SAMD5: variants seen among roughly 807,000 people sequenced by gnomAD.
The protein encoded by SAMD5 is sterile alpha motif domain-containing protein 5.
Under a neutral mutation model 11.3 loss-of-function variants are expected in SAMD5, and 13 were observed. That is an observed-to-expected ratio of 1.15 (90% CI 0.75 to 1.83). The LOEUF is 1.83. Among genes scored for constraint, SAMD5 ranks in the 40% most tolerant of loss-of-function variants. The pLI, the probability that SAMD5 is intolerant of heterozygous loss-of-function variation, is 0.00. For synonymous variants in SAMD5, 129 were observed against 111.3 expected (o/e 1.16, Z -1.00); for missense variants, 255 against 239.1 (o/e 1.07, Z -0.44).
At chr6:147,831,294 G>T in the SAMD5 span, among the ~76,000 whole-genome samples, 1 of 152,190 alleles carries the variant, frequency 6.6e-6, no homozygotes, top group Non-Finnish European at 1.5e-5. Context: ...CTTCCTGTTA[G>T]TACCACCACA....
At chr6:147,737,626 A>G (rs1198163373), downstream of SAMD5, 2 of 152,574 alleles carry the variant, frequency 1.3e-5, no homozygotes, top group Admixed American at 6.4e-5. Flanking sequence ...AAAGATGTTT[A>G]AAGTACCACA....
intron 1 of SAMD5, among the ~76,000 whole-genome samples, chr6:147,597,465 A>G (rs537598526): frequency 6.6e-6 from 1 of 152,304 alleles, no homozygotes; most frequent in Admixed American, 6.5e-5. Context: ...CTTCTCACTC[A>G]CGTATGTGAC....
intron 1 of SAMD5, among the ~76,000 whole-genome samples, chr6:147,634,409 G>A (rs1790194519): frequency 6.6e-6 from 1 of 152,064 alleles, no homozygotes; most frequent in Non-Finnish European, 1.5e-5. Flanking sequence ...TAGCAAGGGG[G>A]ATATCTGACC....
At chr6:147,571,511 C>T (rs1400838588), downstream of SAMD5, among the ~76,000 whole-genome samples, 1 of 149,674 alleles carries the variant, frequency 6.7e-6, no homozygotes, top group African/African-American at 2.5e-5. Flanking sequence ...CCTAGAGTTA[C>T]CCTGAGGACA....
chr6:147,584,966 C>CT (rs1450764272), intron 1 of SAMD5, among the ~76,000 whole-genome samples: 1 of 151,872 alleles, frequency 6.6e-6, no homozygotes. Flanking sequence ...CTTAATACTT[C>CT]AGGATGCCTA....
intron 1 of SAMD5, among the ~76,000 whole-genome samples, chr6:147,524,963 T>G (rs1788314239): frequency 6.6e-6 from 1 of 152,026 alleles, no homozygotes; most frequent in South Asian, 2.1e-4. Flanking sequence ...TTAAGTAACT[T>G]ACACAAAGTC....
chr6:147,513,809 G>A (rs762503206), intron 1 of SAMD5, among the ~76,000 whole-genome samples: 5 of 152,168 alleles, frequency 3.3e-5, no homozygotes, highest in Non-Finnish European at 7.3e-5. Flanking sequence ...GTTTCAAGGA[G>A]GAGGGACAGG....
At chr6:147,858,147 T>C in the SAMD5 span, among the ~76,000 whole-genome samples, 30,161 of 152,056 alleles carry the variant, frequency 0.2, 3,357 homozygotes, top group East Asian at 0.37. Context: ...GGAGGGGATC[T>C]GTAGCCCCCT....
the SAMD5 span, among the ~76,000 whole-genome samples, chr6:147,801,296 TA>T: frequency 6.6e-6 from 1 of 152,136 alleles, no homozygotes; most frequent in Non-Finnish European, 1.5e-5. Context: ...TTAACAGCTA[TA>T]TTTTTTTTTA....
At chr6:147,940,903 A>C in the SAMD5 span, among the ~76,000 whole-genome samples, 1 of 152,170 alleles carries the variant, frequency 6.6e-6, no homozygotes, top group African/African-American at 2.4e-5. Context: ...CGGAGATTGC[A>C]GTGAGCCGAG....
At chr6:147,819,420 C>T in the SAMD5 span, among the ~76,000 whole-genome samples, 2,185 of 152,200 alleles carry the variant, frequency 0.014, 58 homozygotes, top group African/African-American at 0.051. Flanking sequence ...AACAAAGCTG[C>T]ACATACACCC....
the SAMD5 span, among the ~76,000 whole-genome samples, chr6:147,864,667 T>C: frequency 6.6e-6 from 1 of 152,350 alleles, no homozygotes; most frequent in East Asian, 1.9e-4. Flanking sequence ...AATTAACTTA[T>C]TTGTTGTGGT....
intron 1 of SAMD5, among the ~76,000 whole-genome samples, chr6:147,702,015 GAC>G (rs1791260085): frequency 6.6e-6 from 1 of 152,144 alleles, no homozygotes; most frequent in South Asian, 2.1e-4. Flanking sequence ...TGCTAAAAAA[GAC>G]ATACCTGAAA....
At chr6:147,535,417 G>GTT (rs1319559400) in intron 1 of SAMD5, among the ~76,000 whole-genome samples, 2 of 152,114 alleles carry the variant, frequency 1.3e-5, no homozygotes, top group African/African-American at 4.8e-5. Context: ...ATTAGTTTGG[G>GTT]GATTTTAACC....
chr6:147,679,920 T>C (rs942211136), intron 1 of SAMD5, among the ~76,000 whole-genome samples: 2 of 152,026 alleles, frequency 1.3e-5, no homozygotes, highest in Non-Finnish European at 2.9e-5. Context: ...GACCATATAT[T>C]GTGGTTCTAT....
At chr6:147,695,599 T>G (rs1791164025) in intron 1 of SAMD5, among the ~76,000 whole-genome samples, 1 of 152,212 alleles carries the variant, frequency 6.6e-6, no homozygotes, top group Non-Finnish European at 1.5e-5. Flanking sequence ...AAACTATCAG[T>G]GTTATTCCAT....
the SAMD5 span, among the ~76,000 whole-genome samples, chr6:147,860,797 A>G: frequency 6.6e-6 from 1 of 152,216 alleles, no homozygotes; most frequent in Non-Finnish European, 1.5e-5. Flanking sequence ...TGTTTTGTCA[A>G]AACCTTACTT....
chr6:147,579,889 A>C (rs190227205), intron 1 of SAMD5, among the ~76,000 whole-genome samples: 129 of 152,242 alleles, frequency 8.5e-4, no homozygotes, highest in Middle Eastern at 3.4e-3. Flanking sequence ...TGGAATCCTT[A>C]CTCTGTGCCA....
chr6:147,712,552 A>G (rs1392078816), intron 1 of SAMD5, among the ~76,000 whole-genome samples: 1 of 152,120 alleles, frequency 6.6e-6, no homozygotes, highest in Non-Finnish European at 1.5e-5. Context: ...CTAACCCTCA[A>G]TGTTCTTGTA....
Sources: allele counts gnomAD v4.1 joint callset (sites outside exome capture counted in the v4.1 genomes callset), GRCh38; gene constraint gnomAD v4.1.1; transcripts MANE v1.5; gene names NCBI Gene and HGNC (gene_info 2026-07-23, HGNC 2026-07-21).